The following LRPAP1 variants were observed in gnomAD, a reference collection of about 807,000 sequenced individuals.
LRPAP1 encodes the protein LDL receptor related protein associated protein 1.
LRPAP1 carries 41 observed loss-of-function variants against 39.9 expected under a neutral mutation model. The observed-to-expected ratio is 1.03, with a 90% confidence interval of 0.80 to 1.33. LRPAP1 has a LOEUF of 1.33. LRPAP1 is among the 40% of genes most tolerant of loss of function. The pLI, the probability that LRPAP1 is intolerant of heterozygous loss-of-function variation, is 0.00. For missense variants in LRPAP1, 565 were observed against 482.3 expected, an observed-to-expected ratio of 1.17 and a Z score of -1.61; for synonymous variants, 263 against 212.7, an observed-to-expected ratio of 1.24 and a Z score of -2.06.
chr4:3,523,809 C>A (rs1729994828), intron 2 of LRPAP1, among the ~76,000 whole-genome samples: 2 of 152,228 alleles, frequency 1.3e-5, no homozygotes, highest in Non-Finnish European at 2.9e-5. Flanking sequence ...GGCTCTGGGG[C>A]CACCCTCACG....
intron 2 of LRPAP1, among the ~76,000 whole-genome samples, chr4:3,521,461 G>A (rs868389050): frequency 2.0e-5 from 3 of 152,050 alleles, no homozygotes; most frequent in African/African-American, 4.8e-5. Context: ...CCCCACCCCC[G>A]CACCTCTCCC....
intron 2 of LRPAP1, among the ~76,000 whole-genome samples, chr4:3,522,268 C>G (rs998056021): frequency 2.9e-4 from 44 of 152,340 alleles, no homozygotes; most frequent in Non-Finnish European, 5.0e-4. Flanking sequence ...TAGCCTGGCT[C>G]AAGCCTTCCT....
rs1308656283 is a variant in LRPAP1 at position 3,508,961 on chromosome 4, G to C, written c.*4013C>G. On this transcript the variant is annotated 3_prime_UTR_variant, in exon 8 of 8. Transcript: ENST00000650182. ...CCACTGTCAGACAGAGGACACGCGT[G>C]TGCACACGGAAACCCCACGAGTCCA... The C allele has an allele frequency of 5.3e-5, 8 of 152,202 alleles. No homozygotes were observed. Among genetic ancestry groups the C allele is most frequent in the Non-Finnish European group, 1.0e-4 (7 of 68,044 alleles). 9.4% of individuals were successfully genotyped at this position (152,202 alleles called of 1,614,324 possible). A position where few individuals can be genotyped will look rare whatever the true frequency, so the allele number is the denominator to read the frequency against.
chr4:3,528,259 T>C (rs1730138867), intron 1 of LRPAP1, among the ~76,000 whole-genome samples: 1 of 152,030 alleles, frequency 6.6e-6, no homozygotes, highest in African/African-American at 2.4e-5. Context: ...ACAACCAGGG[T>C]ATACATGCAG....
At chr4:3,518,669 C>G (rs1184733200) in intron 4 of LRPAP1, among the ~76,000 whole-genome samples, 1 of 151,980 alleles carries the variant, frequency 6.6e-6, no homozygotes, top group African/African-American at 2.4e-5. Flanking sequence ...AGGCGACTCC[C>G]AGAGCCTGCC....
At chr4:3,524,257 A>G (rs1325317154) in intron 2 of LRPAP1, among the ~76,000 whole-genome samples, 1 of 152,012 alleles carries the variant, frequency 6.6e-6, no homozygotes, top group Non-Finnish European at 1.5e-5. Context: ...CTGAGGACAC[A>G]CCTGTCTTCC....
intron 5 of LRPAP1, 168 bp downstream of exon 5, chr4:3,517,866 T>C (rs866064897): frequency 5.0e-5 from 36 of 722,396 alleles, no homozygotes; most frequent in Middle Eastern, 4.0e-4. Flanking sequence ...GAGCAGCTCC[T>C]GGGAGCGAGG....
chr4:3,517,419 C>T (rs1461566139), intron 5 of LRPAP1, among the ~76,000 whole-genome samples: 1 of 152,242 alleles, frequency 6.6e-6, no homozygotes, highest in Non-Finnish European at 1.5e-5. Context: ...GCCTGGCGTG[C>T]AGCTGGTGCT....
In LRPAP1 at chr4:3,518,152, G is replaced by A. The variant is rs758212452; in HGVS notation, c.633C>T (p.Asp211=). 5 of 1,613,444 alleles carry A rather than the reference G, an allele frequency of 3.1e-6. No individual in the cohort carries two copies. In the East Asian group the frequency reaches 6.7e-5, roughly 22 times the overall value. The change falls in exon 5 of 8, where the codon GAC becomes GAT. Residue 211 remains aspartate, a synonymous_variant. Coordinates refer to ENST00000650182, the MANE Select transcript of LRPAP1 (RefSeq NM_002337.4). ...ENVISPSDLS[D]IKGSVLHSRH... ...TGCTGTGCAGGACGCTGCCCTTGAT[G>A]TCGCTCAGGTCCGAGGGGCTAATGA...
intron 2 of LRPAP1, among the ~76,000 whole-genome samples, chr4:3,524,635 T>C (rs1730022190): frequency 6.6e-6 from 1 of 152,216 alleles, no homozygotes; most frequent in Non-Finnish European, 1.5e-5. Flanking sequence ...CCCACAGCAC[T>C]GAGGCGAGCA....
rs1249111402 is a variant in LRPAP1 at position 3,505,630 on chromosome 4, CCCGTCTATACCAGCTACCCCAAGA to C, written c.*7320_*7343del. ...GAGCACCACTACCAGCTACCCCAAG[CCCGTCTATACCAGCTACCCCAAGA>C]CCGTCTATACCAGCTACCCCAAGAC... On this transcript the variant is annotated 3_prime_UTR_variant, in exon 8 of 8. Coordinates refer to ENST00000650182, the MANE Select transcript of LRPAP1 (RefSeq NM_002337.4). Among the ~76,000 whole-genome samples, 63 of 151,896 alleles carry C rather than the reference CCCGTCTATACCAGCTACCCCAAGA, an allele frequency of 4.1e-4. No individual in the cohort carries two copies. Among genetic ancestry groups the C allele is most frequent in the Admixed American group, 5.9e-4 (9 of 15,252 alleles).
intron 7 of LRPAP1, 28 bp from the exon 8 acceptor site, chr4:3,513,064 G>T: frequency 1.3e-6 from 2 of 1,589,530 alleles, no homozygotes; most frequent in East Asian, 4.5e-5. Context: ...TCATCAGCTG[G>T]GGACAGCGCG....
At position 3,504,913 on chromosome 4, in the gene LRPAP1, C is replaced by CTCCA. The variant is rs1475504975; in HGVS notation, c.*8057_*8060dup. ...AGTGAGCCGAGATCGCACCAACGCA[C>CTCCA]TCCAGCCTGGGCGACAGAGCAAGAC... On this transcript the variant is annotated 3_prime_UTR_variant, in exon 8 of 8. Transcript: ENST00000650182. Among the ~76,000 whole-genome samples, 2 of 151,856 alleles carry CTCCA rather than the reference C, an allele frequency of 1.3e-5. No individual in the cohort carries two copies. Among genetic ancestry groups the CTCCA allele is most frequent in the Non-Finnish European group, 2.9e-5 (2 of 67,992 alleles).
chr4:3,505,437 T>G lies in LRPAP1; in HGVS notation c.*7537A>C, dbSNP rs993712074. On this transcript the variant is annotated 3_prime_UTR_variant, in exon 8 of 8. Coordinates refer to ENST00000650182, the MANE Select transcript of LRPAP1 (RefSeq NM_002337.4). ...CACCACTGAGAGGAGTAAGGTGTAC[T>G]TCCTTGTCAAGCATGACTCCGAGCG... Among the ~76,000 whole-genome samples, 5 of 152,212 alleles carry G rather than the reference T, an allele frequency of 3.3e-5. No individual in the cohort carries two copies. The highest frequency in any genetic ancestry group is 5.9e-5 in the Non-Finnish European group (4 of 68,036).
rs553148261 is a variant in LRPAP1, at chr4:3,512,938, G to A, written c.*36C>T. 62 of 1,588,952 alleles carry A rather than the reference G, an allele frequency of 3.9e-5. No homozygotes were observed. In the East Asian group the frequency reaches 1.2e-3, roughly 32 times the overall value. On this transcript the variant is annotated 3_prime_UTR_variant, in exon 8 of 8. Coordinates refer to ENST00000650182, the MANE Select transcript of LRPAP1 (RefSeq NM_002337.4). ...GCCAAGAGCCCAGGTCCTTCACGCT[G>A]GCCTCTTCCCTGCCGGGCTGGGCTC...
chr4:3,520,032 G>A (rs376809695), intron 3 of LRPAP1, 40 bp downstream of exon 3: 27 of 1,606,738 alleles, frequency 1.7e-5, no homozygotes, highest in Middle Eastern at 1.7e-4. Flanking sequence ...TCAACGTAAC[G>A]GCACCAATTC....
At chr4:3,520,253 A>G in intron 2 of LRPAP1, 60 bp from the exon 3 acceptor site, 1 of 1,582,004 alleles carries the variant, frequency 6.3e-7, no homozygotes, top group Admixed American at 1.7e-5. Context: ...TCAAAAGCCA[A>G]CACATCTGGG....
intron 5 of LRPAP1, chr4:3,517,797 C>T (rs1268929644): frequency 1.3e-5 from 6 of 460,464 alleles, no homozygotes; most frequent in Admixed American, 4.1e-5. Context: ...GGCCCGCTGC[C>T]GCCACTGCCC....
In LRPAP1 at chr4:3,525,025, G is replaced by A. The variant is rs377473977; in HGVS notation, c.231C>T (p.Ala77=). The A allele has an allele frequency of 5.5e-5, 89 of 1,614,008 alleles. No homozygotes were observed. The highest frequency in any genetic ancestry group is 3.0e-4 in the Admixed American group (18 of 60,014). The change falls in exon 2 of 8, where the codon GCC becomes GCT. Residue 77 remains alanine, a synonymous_variant. Coordinates refer to ENST00000650182, the MANE Select transcript of LRPAP1 (RefSeq NM_002337.4). ...QRLHLPPVRL[A]ELHADLKIQE... Reference sequence around the variant, plus strand: ...GTATCTTCAGATCAGCGTGGAGCTCGGCCAGCCTCACGGGAGGAAGATGCA... The same window carrying A: ...GTATCTTCAGATCAGCGTGGAGCTCAGCCAGCCTCACGGGAGGAAGATGCA...
Sources: gnomAD v4.1 joint callset for allele counts (sites outside exome capture counted in the v4.1 genomes callset) on GRCh38, gnomAD v4.1.1 for gene constraint, MANE v1.5 for transcripts, NCBI Gene and HGNC (gene_info 2026-07-23, HGNC 2026-07-21) for gene names.